The following PRUNE2 variants were observed in gnomAD, a reference collection of about 807,000 sequenced individuals.
PRUNE2 encodes prune homolog 2 with BCH domain, also known as protein prune homolog 2.
PRUNE2 carries 164 observed loss-of-function variants against 252.0 expected under a neutral mutation model. The observed-to-expected ratio is 0.65, with a 90% confidence interval of 0.57 to 0.74. The LOEUF (loss-of-function observed/expected upper bound fraction) is 0.74. Ranked by LOEUF, PRUNE2 falls within the 30% of genes least tolerant of loss-of-function variation. The pLI is 0.00. For missense variants in PRUNE2, 3,495 were observed against 3,711.0 expected (o/e 0.94, Z 1.51); for synonymous variants, 1,292 against 1,350.2 (o/e 0.96, Z 0.94).
At chr9:76,788,085 C>A (rs982650906) in intron 6 of PRUNE2, among the ~76,000 whole-genome samples, 1 of 152,186 alleles carries the variant, frequency 6.6e-6, no homozygotes, top group African/African-American at 2.4e-5. Flanking sequence ...AACTAAAGTT[C>A]TTTGTGCCCT....
At chr9:76,861,133 G>C (rs1422779523) in intron 1 of PRUNE2, among the ~76,000 whole-genome samples, 1 of 152,220 alleles carries the variant, frequency 6.6e-6, no homozygotes, top group Admixed American at 6.5e-5. Context: ...CAAGTGAGCA[G>C]CAGGGGCCAC....
At chr9:76,884,900 A>G (rs1330650652) in intron 1 of PRUNE2, among the ~76,000 whole-genome samples, 1 of 152,206 alleles carries the variant, frequency 6.6e-6, no homozygotes, top group Non-Finnish European at 1.5e-5. Context: ...TATTCCCTGG[A>G]GCCATTACTT....
At chr9:76,850,385 G>C in intron 3 of PRUNE2, 78 bp downstream of exon 3, 1 of 1,153,274 alleles carries the variant, frequency 8.7e-7, no homozygotes, top group Non-Finnish European at 1.3e-6. Context: ...AACCACAAAA[G>C]TCCTGAGTAA....
At position 76,833,128 on chromosome 9, in the gene PRUNE2, A is replaced by C. The variant is rs149373427; in HGVS notation, c.509-6396T>G. On this transcript the variant is annotated intron_variant, in intron 4 of 18. Transcript: ENST00000376718. ...CCAAAAGTCTAAAGACAATGGAATT[A>C]TATCTTCATTTTATGAATTTTATGA... Among the ~76,000 whole-genome samples the C allele has an allele frequency of 2.8e-3, 424 of 152,326 alleles. 1 individual carries two copies. The highest frequency in any genetic ancestry group is 9.9e-3 in the African/African-American group (410 of 41,588).
At chr9:76,619,990 A>G (rs1456114619) in intron 17 of PRUNE2, among the ~76,000 whole-genome samples, 1 of 152,182 alleles carries the variant, frequency 6.6e-6, no homozygotes, top group Non-Finnish European at 1.5e-5. Flanking sequence ...AATAATAAAT[A>G]AAAGTGTTTT....
At position 76,731,331 on chromosome 9, in the gene PRUNE2, T is replaced by TTC. The variant is rs2048584792; in HGVS notation, c.757-17611_757-17610insGA. ...CTATCTATATATATATATATTTTTT[T>TTC]TTTTTTTTTGAGACAGGGTATTGCT... On this transcript the variant is annotated intron_variant, in intron 6 of 18. Transcript: ENST00000376718. Among the ~76,000 whole-genome samples the TTC allele has an allele frequency of 1.7e-5, 2 of 117,092 alleles. 1 individual carries two copies. The highest frequency in any genetic ancestry group is 7.1e-5 in the African/African-American group (2 of 28,056). 76.8% of individuals were successfully genotyped at this position (117,092 alleles called of 152,430 possible).
intron 6 of PRUNE2, among the ~76,000 whole-genome samples, chr9:76,804,412 A>G (rs2056788850): frequency 6.6e-6 from 1 of 152,158 alleles, no homozygotes. Context: ...TAAGAGGGTG[A>G]GAGGTTTAAA....
rs543519280 is a variant in PRUNE2 at position 76,699,840 on chromosome 9, A to G, written c.8276+3497T>C. On this transcript the variant is annotated intron_variant, in intron 9 of 18. Coordinates refer to ENST00000376718, the MANE Select transcript of PRUNE2 (RefSeq NM_015225.3). ...CTTCCAATCATGCTTTCTTTAAAAT[A>G]AACAGCTAAATGTTTCTTCCTTTTA... 2.6e-5 allele frequency among the ~76,000 whole-genome samples: 4 copies of G among 152,376 alleles called. No individual in the cohort carries two copies. The East Asian group carries it at 7.7e-4, about 29-fold the overall frequency.
chr9:76,615,047 CCAAA>C (rs535191464), intron 18 of PRUNE2: 603 of 956,590 alleles, frequency 6.3e-4, no homozygotes, highest in Non-Finnish European at 7.2e-4. Context: ...CAAAACAACA[CCAAA>C]CATTTTCTAG....
chr9:76,683,702 T>G (rs2043745057), intron 9 of PRUNE2, among the ~76,000 whole-genome samples: 1 of 152,138 alleles, frequency 6.6e-6, no homozygotes. Context: ...TGAATGCATT[T>G]CGTTTATCAC....
chr9:76,761,481 G>T lies in PRUNE2; in HGVS notation c.757-47760C>A, dbSNP rs533660196. On this transcript the variant is annotated intron_variant, in intron 6 of 18. Coordinates refer to ENST00000376718, the MANE Select transcript of PRUNE2 (RefSeq NM_015225.3). ...GGCCTTTAATCCCCAAATAACAAAA[G>T]ACTTAGTCAATTTAATTTGTAAGAA... is the stretch of plus-strand genomic sequence containing the variant. Among the ~76,000 whole-genome samples the T allele has an allele frequency of 7.2e-5, 11 of 152,250 alleles. 1 individual carries two copies. The East Asian group carries it at 1.7e-3, about 24-fold the overall frequency.
intron 6 of PRUNE2, among the ~76,000 whole-genome samples, chr9:76,776,316 T>A (rs1350891248): frequency 6.6e-6 from 1 of 151,792 alleles, no homozygotes; most frequent in Non-Finnish European, 1.5e-5. Flanking sequence ...GACTCTCCGA[T>A]GTTATTATTT....
At chr9:76,622,416 AAAG>A (rs1832776240) in intron 17 of PRUNE2, among the ~76,000 whole-genome samples, 1 of 152,208 alleles carries the variant, frequency 6.6e-6, no homozygotes, top group Non-Finnish European at 1.5e-5. Context: ...AAATCTATTA[AAAG>A]AAGCAAGATT....
In PRUNE2 at chr9:76,707,501, G is replaced by C; in HGVS notation, c.4773C>G (p.Gly1591=). 6.2e-7 allele frequency: 1 copy of C among 1,613,664 alleles called. No individual in the cohort carries two copies. Among genetic ancestry groups the C allele is most frequent in the African/African-American group, 1.3e-5 (1 of 74,958 alleles). ...HQESELITTD[G]QVEIVTKVKD... ...TCACTTTGGTAACTATTTCTACTTG[G>C]CCATCAGTGGTAATTAGTTCAGATT... Residue 1591 remains glycine (G), a synonymous_variant, in exon 8 of 19, where the codon GGC becomes GGG. Coordinates refer to ENST00000376718, the MANE Select transcript of PRUNE2 (RefSeq NM_015225.3).
At chr9:76,734,981 C>G (rs900460767) in intron 6 of PRUNE2, among the ~76,000 whole-genome samples, 1 of 152,098 alleles carries the variant, frequency 6.6e-6, no homozygotes, top group East Asian at 1.9e-4. Flanking sequence ...CACTGACAAA[C>G]AGAGGCAAGG....
chr9:76,791,616 T>C (rs1275325535), intron 6 of PRUNE2, among the ~76,000 whole-genome samples: 1 of 134,784 alleles, frequency 7.4e-6, no homozygotes, highest in Admixed American at 7.3e-5. Flanking sequence ...GGTACAATAA[T>C]ACTGCACCAA....
chr9:76,734,630 A>C (rs987980455), intron 6 of PRUNE2, among the ~76,000 whole-genome samples: 6 of 152,198 alleles, frequency 3.9e-5, no homozygotes, highest in African/African-American at 1.4e-4. Flanking sequence ...AAATGAGTTC[A>C]GATTGTCACA....
intron 6 of PRUNE2, among the ~76,000 whole-genome samples, chr9:76,793,152 T>A (rs2055720605): frequency 1.3e-5 from 2 of 152,236 alleles, no homozygotes; most frequent in African/African-American, 4.8e-5. Context: ...GCTTCCTGAC[T>A]GTGGCTTCTT....
intron 1 of PRUNE2, among the ~76,000 whole-genome samples, chr9:76,897,380 A>G (rs12340318): frequency 0.19 from 23,200 of 120,728 alleles, 2,530 homozygotes; most frequent in African/African-American, 0.31. Context: ...ATGCAACCTT[A>G]GGCAAACCTC....
Sources: gnomAD v4.1 joint callset for allele counts (sites outside exome capture counted in the v4.1 genomes callset) on GRCh38, gnomAD v4.1.1 for gene constraint, MANE v1.5 for transcripts, NCBI Gene and HGNC (gene_info 2026-07-23, HGNC 2026-07-21) for gene names.